LARGE1: variants seen among roughly 807,000 people sequenced by gnomAD.
LARGE1 encodes LARGE xylosyl- and glucuronyltransferase 1.
A neutral mutation model predicts 87.6 loss-of-function variants in LARGE1; 43 were observed. The observed-to-expected ratio is 0.49, with a 90% CI of 0.38 to 0.63. The LOEUF (loss-of-function observed/expected upper bound fraction) is 0.63. LARGE1 is among the 30% of genes least tolerant of loss of function. The probability of loss-of-function intolerance (pLI) is 0.00; values close to 1 mark genes in which losing one functional copy is unlikely to be tolerated. For missense variants in LARGE1, 802 were observed against 1,000.2 expected, an observed-to-expected ratio of 0.80 and a Z score of 2.67; for synonymous variants, 434 against 394.6, an observed-to-expected ratio of 1.10 and a Z score of -1.18.
intron 2 of LARGE1, among the ~76,000 whole-genome samples, chr22:33,755,652 C>G (rs927128005): frequency 6.6e-6 from 1 of 152,164 alleles, no homozygotes; most frequent in Non-Finnish European, 1.5e-5. Flanking sequence ...ATTAACATCA[C>G]GACCAAATGA....
intron 7 of LARGE1, among the ~76,000 whole-genome samples, chr22:33,392,396 C>G (rs985083514): frequency 6.6e-6 from 1 of 152,128 alleles, no homozygotes; most frequent in Non-Finnish European, 1.5e-5. Context: ...CGGTGGCTCA[C>G]GCCTGTGATC....
At position 33,817,152 on chromosome 22, in the gene LARGE1, T is replaced by C. The variant is rs568749407; in HGVS notation, c.-82-55594A>G. On this transcript the variant is annotated intron_variant, in intron 1 of 14. Coordinates refer to ENST00000397394, the MANE Select transcript of LARGE1 (RefSeq NM_133642.5). ...TATATACACTGGAGGCTCGGCAGTT[T>C]CCCTATGGTTCGCCTCTGCCAGGCA... Among the ~76,000 whole-genome samples, 3 of 152,296 alleles carry C rather than the reference T, an allele frequency of 2.0e-5. No individual in the cohort carries two copies. In the East Asian group the frequency reaches 5.8e-4, roughly 29 times the overall value.
At chr22:33,169,844 C>G (rs1158324577) in intron 11 of LARGE1, among the ~76,000 whole-genome samples, 1 of 151,344 alleles carries the variant, frequency 6.6e-6, no homozygotes, top group Non-Finnish European at 1.5e-5. Flanking sequence ...GAGCAAGACT[C>G]TCTCTCAAAA....
intron 10 of LARGE1, among the ~76,000 whole-genome samples, chr22:33,321,729 T>G (rs1019069437): frequency 6.6e-6 from 1 of 152,158 alleles, no homozygotes; most frequent in Admixed American, 6.6e-5. Flanking sequence ...TTCAGACAAG[T>G]AGCTGGTCCT....
intron 6 of LARGE1, among the ~76,000 whole-genome samples, chr22:33,462,210 C>T (rs1262640843): frequency 1.3e-5 from 2 of 152,060 alleles, no homozygotes; most frequent in Non-Finnish European, 2.9e-5. Context: ...CCAACAGAGA[C>T]AATGTAAGCC....
chr22:33,351,100 T>C (rs545871378), intron 9 of LARGE1, among the ~76,000 whole-genome samples: 10 of 152,372 alleles, frequency 6.6e-5, no homozygotes, highest in Non-Finnish European at 1.3e-4. Flanking sequence ...CACTAGAATG[T>C]AAGTTCAAGA....
At chr22:33,227,367 C>G (rs537741886) in intron 11 of LARGE1, among the ~76,000 whole-genome samples, 5 of 152,258 alleles carry the variant, frequency 3.3e-5, no homozygotes, top group South Asian at 2.1e-4. Flanking sequence ...CAAGCTTAAA[C>G]GGTGAGGCCT....
chr22:33,149,783 T>C, the LARGE1 span, among the ~76,000 whole-genome samples: 9 of 152,324 alleles, frequency 5.9e-5, no homozygotes, highest in South Asian at 1.5e-3. Flanking sequence ...TCTCTATTTC[T>C]TGGCTTGCTG....
chr22:33,114,992 G>A, the LARGE1 span, among the ~76,000 whole-genome samples: 1 of 151,918 alleles, frequency 6.6e-6, no homozygotes, highest in African/African-American at 2.4e-5. Flanking sequence ...CCTTACCTTG[G>A]TCTATGTGAA....
At chr22:33,216,932 A>G (rs1228230979) in intron 11 of LARGE1, among the ~76,000 whole-genome samples, 1 of 152,230 alleles carries the variant, frequency 6.6e-6, no homozygotes, top group African/African-American at 2.4e-5. Flanking sequence ...GCAGGTGCTC[A>G]GTCTCATTAA....
intron 6 of LARGE1, among the ~76,000 whole-genome samples, chr22:33,469,262 C>CA (rs2068734459): frequency 6.6e-6 from 1 of 152,096 alleles, no homozygotes; most frequent in Non-Finnish European, 1.5e-5. Context: ...TTCACAATAG[C>CA]AAAGGCATGG....
At chr22:33,382,522 G>T (rs915627756) in intron 8 of LARGE1, among the ~76,000 whole-genome samples, 1 of 152,160 alleles carries the variant, frequency 6.6e-6, no homozygotes, top group African/African-American at 2.4e-5. Flanking sequence ...GGCCTGCGGT[G>T]GACTCAGTGA....
intron 1 of LARGE1, among the ~76,000 whole-genome samples, chr22:33,872,151 T>C (rs1449557749): frequency 1.3e-5 from 2 of 151,912 alleles, no homozygotes; most frequent in South Asian, 2.1e-4. Flanking sequence ...CAGAGGCTGG[T>C]CACTCCACAC....
the LARGE1 span, among the ~76,000 whole-genome samples, chr22:33,106,831 C>T: frequency 6.6e-6 from 1 of 152,322 alleles, no homozygotes; most frequent in Admixed American, 6.5e-5. Flanking sequence ...ACCGCAATTA[C>T]TTTTGCACCA....
At position 33,177,963 on chromosome 22, in the gene LARGE1, C is replaced by T. The variant is rs117250948; in HGVS notation, c.1731-11131G>A. On this transcript the variant is annotated intron_variant, in intron 11 of 11. Coordinates refer to the LARGE1 transcript ENST00000608642. ...CTTCCAGCTTCACTCTCTCTGTCTC[C>T]TGCTGCTACCTTGTGAAGAAGGTAC... 2.9e-3 allele frequency among the ~76,000 whole-genome samples: 448 copies of T among 152,276 alleles called. 1 individual carries two copies. The highest frequency in any genetic ancestry group is 4.8e-3 in the Non-Finnish European group (327 of 68,014).
At chr22:33,372,948 G>A (rs1569104734) in intron 9 of LARGE1, among the ~76,000 whole-genome samples, 1 of 152,134 alleles carries the variant, frequency 6.6e-6, no homozygotes, top group Non-Finnish European at 1.5e-5. Flanking sequence ...TTTTGGTAAG[G>A]ATAGTTAAAA....
chr22:33,736,730 C>T (rs1178621806), intron 2 of LARGE1, among the ~76,000 whole-genome samples: 1 of 152,126 alleles, frequency 6.6e-6, no homozygotes, highest in Non-Finnish European at 1.5e-5. Context: ...CAAAGATTTA[C>T]TCTTATGTTT....
At chr22:33,259,207 AG>A (rs900563310) in intron 11 of LARGE1, among the ~76,000 whole-genome samples, 2 of 152,142 alleles carry the variant, frequency 1.3e-5, no homozygotes, top group Non-Finnish European at 2.9e-5. Context: ...GAAATGCTGA[AG>A]GGTTTATCTG....
chr22:33,277,043 T>G lies in LARGE1; in HGVS notation c.2073+17A>C. 6 of 1,613,358 alleles carry G rather than the reference T, an allele frequency of 3.7e-6. No individual in the cohort carries two copies. The highest frequency in any genetic ancestry group is 5.1e-6 in the Non-Finnish European group (6 of 1,179,238). ...TCCCCCGTCGACCATACCAGGTGGA[T>G]GCTCCGTTCTTCTCACCTGCACATC... On this transcript the variant is annotated intron_variant, in intron 14 of 14. Coordinates refer to ENST00000397394, the MANE Select transcript of LARGE1 (RefSeq NM_133642.5).
Sources: gnomAD v4.1 joint callset for allele counts (sites outside exome capture counted in the v4.1 genomes callset) on GRCh38, gnomAD v4.1.1 for gene constraint, MANE v1.5 for transcripts, NCBI Gene and HGNC (gene_info 2026-07-23, HGNC 2026-07-21) for gene names.